Variants in RBFOX1 observed in about 807,000 individuals in gnomAD.
The protein encoded by RBFOX1 is RNA binding protein fox-1 homolog 1.
RBFOX1 carries 8 observed loss-of-function variants against 57.7 expected under a neutral mutation model. The ratio of observed to expected loss-of-function variants is 0.14; its 90% CI spans 0.08 to 0.25. The LOEUF (loss-of-function observed/expected upper bound fraction) is 0.25, where lower values mean the gene tolerates loss of function less well. RBFOX1 is among the 10% of genes least tolerant of loss of function. RBFOX1 has a pLI of 1.00. For missense variants in RBFOX1, 611 were observed against 548.5 expected (o/e 1.11, Z -1.14); for synonymous variants, 326 against 222.4 (o/e 1.47, Z -4.15).
At chr16:7,604,546 A>T (rs998502182) in intron 9 of RBFOX1, among the ~76,000 whole-genome samples, 1 of 152,200 alleles carries the variant, frequency 6.6e-6, no homozygotes, top group East Asian at 1.9e-4. Flanking sequence ...GACTTGGCAA[A>T]CTCATAACTT....
chr16:7,009,715 C>G (rs1276484604), intron 3 of RBFOX1, among the ~76,000 whole-genome samples: 2 of 152,140 alleles, frequency 1.3e-5, no homozygotes, highest in African/African-American at 2.4e-5. Context: ...GTTGAGCCAA[C>G]CTAATCAGCC....
intron 2 of RBFOX1, among the ~76,000 whole-genome samples, chr16:6,502,961 G>T (rs1317887505): frequency 5.3e-5 from 8 of 152,200 alleles, no homozygotes; most frequent in Admixed American, 4.6e-4. Flanking sequence ...TGATATTATG[G>T]AAAGAAGATA....
At chr16:6,771,090 C>G (rs1019110598) in intron 3 of RBFOX1, among the ~76,000 whole-genome samples, 6 of 151,874 alleles carry the variant, frequency 4.0e-5, no homozygotes, top group Non-Finnish European at 8.8e-5. Context: ...GTTTGGTGTC[C>G]TTATAAGAAG....
At chr16:7,631,927 T>C (rs2061029570) in intron 11 of RBFOX1, among the ~76,000 whole-genome samples, 1 of 152,160 alleles carries the variant, frequency 6.6e-6, no homozygotes, top group Non-Finnish European at 1.5e-5. Context: ...TTAGAGGTTT[T>C]GAGACAAAGT....
intron 5 of RBFOX1, among the ~76,000 whole-genome samples, chr16:7,566,727 C>T (rs1404415676): frequency 2.0e-5 from 3 of 152,146 alleles, no homozygotes; most frequent in African/African-American, 7.2e-5. Context: ...TGGCATTCAG[C>T]ATCAGTGATA....
intron 3 of RBFOX1, among the ~76,000 whole-genome samples, chr16:6,757,089 C>T (rs1351095763): frequency 1.3e-5 from 2 of 152,024 alleles, no homozygotes; most frequent in East Asian, 3.9e-4. Context: ...AGATCAAAAC[C>T]TCAATGACGT....
intron 3 of RBFOX1, chr16:5,867,252 A>G (rs774269438): frequency 4.0e-5 from 46 of 1,141,032 alleles, no homozygotes; most frequent in Non-Finnish European, 4.9e-5. Flanking sequence ...AATTAATCCA[A>G]TTACCTTCTT....
intron 4 of RBFOX1, among the ~76,000 whole-genome samples, chr16:7,187,792 C>A (rs759813042): frequency 6.8e-6 from 1 of 146,542 alleles, no homozygotes; most frequent in Admixed American, 6.9e-5. Flanking sequence ...TAATATTCAT[C>A]AGCATTTTTC....
intron 4 of RBFOX1, among the ~76,000 whole-genome samples, chr16:7,232,249 C>T (rs184741557): frequency 6.6e-6 from 1 of 152,090 alleles, no homozygotes; most frequent in African/African-American, 2.4e-5. Flanking sequence ...GTCATGAACT[C>T]CTGAAAACTG....
At chr16:7,411,112 A>G (rs1188573320) in intron 4 of RBFOX1, among the ~76,000 whole-genome samples, 1 of 151,834 alleles carries the variant, frequency 6.6e-6, no homozygotes, top group African/African-American at 2.4e-5. Flanking sequence ...TGCCTGACCA[A>G]TTTTTGTATT....
At chr16:6,148,226 C>A (rs371044160) in intron 1 of RBFOX1, among the ~76,000 whole-genome samples, 4 of 152,210 alleles carry the variant, frequency 2.6e-5, no homozygotes, top group African/African-American at 9.6e-5. Flanking sequence ...ACTTGGGAGG[C>A]TGAGGCAGGG....
Position 5,359,179 on chromosome 16 carries a change from T to C in RBFOX1, c.220-108037T>C, listed in dbSNP as rs1046927360. On this transcript the variant is annotated intron_variant, in intron 1 of 2. Coordinates refer to the RBFOX1 transcript ENST00000585867. ...TTGATGGTGGCATAGTTTTCTGTTATGTATAAGTACCACATTTTCTTTATC... is the reference window on the plus strand; with the variant it reads ...TTGATGGTGGCATAGTTTTCTGTTACGTATAAGTACCACATTTTCTTTATC... Among the ~76,000 whole-genome samples, 6 of 152,268 alleles carry C rather than the reference T, an allele frequency of 3.9e-5. No individual in the cohort carries two copies. In the South Asian group the frequency reaches 1.2e-3, roughly 31 times the overall value.
At chr16:5,788,313 G>T (rs1228709536) in intron 3 of RBFOX1, among the ~76,000 whole-genome samples, 1 of 152,132 alleles carries the variant, frequency 6.6e-6, no homozygotes, top group Non-Finnish European at 1.5e-5. Flanking sequence ...GAGACATTTA[G>T]CGCAACAAAA....
chr16:5,837,760 C>T (rs1204978456), intron 3 of RBFOX1, among the ~76,000 whole-genome samples: 2 of 152,136 alleles, frequency 1.3e-5, no homozygotes, highest in Non-Finnish European at 2.9e-5. Flanking sequence ...ATTTATATAA[C>T]GTTGGCTTTC....
intron 2 of RBFOX1, among the ~76,000 whole-genome samples, chr16:5,517,832 T>C (rs181234742): frequency 2.8e-5 from 4 of 141,110 alleles, no homozygotes; most frequent in African/African-American, 5.3e-5. Flanking sequence ...AAATTGACTA[T>C]TTTACATATA....
At chr16:6,961,029 G>C (rs910449712) in intron 3 of RBFOX1, among the ~76,000 whole-genome samples, 5 of 150,102 alleles carry the variant, frequency 3.3e-5, no homozygotes, top group South Asian at 2.1e-4. Flanking sequence ...CTATAGTCCA[G>C]CTACTCAGGA....
At position 6,956,713 on chromosome 16, in the gene RBFOX1, T is replaced by C. The variant is rs2081926361; in HGVS notation, c.-15-95344T>C. 1.3e-5 allele frequency among the ~76,000 whole-genome samples: 2 copies of C among 152,182 alleles called. 1 individual carries two copies. The highest frequency in any genetic ancestry group is 4.1e-4 in the South Asian group (2 of 4,832). Reference sequence around the variant, plus strand: ...AGGCATTTGCTCTGCTTAATGCCTTTAGAAAACAATTTAATATCATCTTCG... The same window carrying C: ...AGGCATTTGCTCTGCTTAATGCCTTCAGAAAACAATTTAATATCATCTTCG... On this transcript the variant is annotated intron_variant, in intron 3 of 15. Coordinates refer to ENST00000550418, the MANE Select transcript of RBFOX1 (RefSeq NM_018723.4).
intron 4 of RBFOX1, among the ~76,000 whole-genome samples, chr16:7,118,434 G>A (rs1321537508): frequency 6.6e-6 from 1 of 152,060 alleles, no homozygotes; most frequent in Non-Finnish European, 1.5e-5. Flanking sequence ...AAGGAGGGAG[G>A]CAAGGAGGAG....
At chr16:6,764,333 T>C (rs1394748192) in intron 3 of RBFOX1, among the ~76,000 whole-genome samples, 2 of 152,180 alleles carry the variant, frequency 1.3e-5, no homozygotes, top group Non-Finnish European at 2.9e-5. Flanking sequence ...TGGCCCACCC[T>C]TTTAAAGGGA....
Sources: allele counts gnomAD v4.1 joint callset (sites outside exome capture counted in the v4.1 genomes callset), GRCh38; gene constraint gnomAD v4.1.1; transcripts MANE v1.5; gene names NCBI Gene and HGNC (gene_info 2026-07-23, HGNC 2026-07-21).